MSH4: variants seen among roughly 807,000 people sequenced by gnomAD.
MSH4 encodes the protein mutS homolog 4, also known as mutS protein homolog 4.
Under a neutral mutation model 113.7 loss-of-function variants are expected in MSH4, and 106 were observed. That is an observed-to-expected ratio of 0.93 (90% CI 0.80 to 1.10). The LOEUF is 1.10. Ranked by LOEUF, MSH4 falls within the 50% of genes least tolerant of loss-of-function variation. The probability of loss-of-function intolerance (pLI) is 0.00; values close to 1 mark genes in which losing one functional copy is unlikely to be tolerated. For synonymous variants in MSH4, 368 were observed against 380.2 expected, an observed-to-expected ratio of 0.97 and a Z score of 0.37; for missense variants, 1,061 against 1,093.7, an observed-to-expected ratio of 0.97 and a Z score of 0.42.
chr1:75,829,454 G>A (rs1351494512), intron 7 of MSH4, among the ~76,000 whole-genome samples: 1 of 152,186 alleles, frequency 6.6e-6, no homozygotes, highest in African/African-American at 2.4e-5. Context: ...TCCCAGCATG[G>A]AGTTTGAGAT....
chr1:75,815,611 C>T (rs775543066), intron 5 of MSH4, among the ~76,000 whole-genome samples: 2 of 152,130 alleles, frequency 1.3e-5, no homozygotes, highest in African/African-American at 4.8e-5. Flanking sequence ...CTAGAACATA[C>T]GAAATAGATA....
chr1:75,808,211 A>G (rs908868703), intron 3 of MSH4, among the ~76,000 whole-genome samples: 1 of 152,192 alleles, frequency 6.6e-6, no homozygotes, highest in African/African-American at 2.4e-5. Context: ...GGTATTTCAG[A>G]TGACCATATT....
intron 7 of MSH4, among the ~76,000 whole-genome samples, chr1:75,827,366 C>T (rs1238337487): frequency 6.6e-6 from 1 of 152,074 alleles, no homozygotes; most frequent in African/African-American, 2.4e-5. Context: ...AAAACCAGTA[C>T]CAGCCACTGT....
At chr1:75,832,375 A>T (rs1650718235) in intron 7 of MSH4, among the ~76,000 whole-genome samples, 1 of 152,172 alleles carries the variant, frequency 6.6e-6, no homozygotes, top group African/African-American at 2.4e-5. Context: ...AGCTGGTACC[A>T]TTCCCTCTGA....
chr1:75,881,222 A>G (rs776686825), intron 13 of MSH4, 24 bp from the exon 14 acceptor site: 49 of 1,433,976 alleles, frequency 3.4e-5, no homozygotes, highest in African/African-American at 4.4e-5. Context: ...ACATTATTAC[A>G]TGTCTTACCA....
At chr1:75,884,758 T>C (rs534311081) in intron 15 of MSH4, among the ~76,000 whole-genome samples, 9 of 152,026 alleles carry the variant, frequency 5.9e-5, no homozygotes, top group Admixed American at 2.0e-4. Context: ...ATATTGGTGA[T>C]ACAGTATAAA....
intron 17 of MSH4, among the ~76,000 whole-genome samples, chr1:75,893,064 A>C (rs1231700408): frequency 6.6e-6 from 1 of 152,234 alleles, no homozygotes; most frequent in Admixed American, 6.5e-5. Context: ...TGTAGACACC[A>C]GGAAATGTGC....
chr1:75,852,641 A>G (rs1452905447), intron 8 of MSH4, among the ~76,000 whole-genome samples: 1 of 152,072 alleles, frequency 6.6e-6, no homozygotes, highest in Non-Finnish European at 1.5e-5. Context: ...ATCTTTTTAC[A>G]TGCTTATTGG....
At chr1:75,805,063 G>T (rs1019406918) in intron 2 of MSH4, among the ~76,000 whole-genome samples, 1 of 152,042 alleles carries the variant, frequency 6.6e-6, no homozygotes, top group Non-Finnish European at 1.5e-5. Flanking sequence ...CTAACCTCAT[G>T]ATCCGCCCAC....
In MSH4 at chr1:75,912,981, A is replaced by C; in HGVS notation, c.*94A>C. Reference sequence around the variant, plus strand: ...AGGAAAATAACATTTGCCAAATTTCATATTTTAATTGAAAATTACATTATA... The same window carrying C: ...AGGAAAATAACATTTGCCAAATTTCCTATTTTAATTGAAAATTACATTATA... On this transcript the variant is annotated 3_prime_UTR_variant, in exon 20 of 20. Coordinates refer to ENST00000263187, the MANE Select transcript of MSH4 (RefSeq NM_002440.4). 1.4e-6 allele frequency: 1 copy of C among 695,150 alleles called. No individual in the cohort carries two copies. The highest frequency in any genetic ancestry group is 2.1e-6 in the Non-Finnish European group (1 of 471,160). The allele number at this position is 695,150 out of a possible 1,614,324, so 43.1% of individuals were successfully genotyped here.
At chr1:75,908,163 T>TTTTTA (rs1652710766) in intron 19 of MSH4, among the ~76,000 whole-genome samples, 1 of 150,388 alleles carries the variant, frequency 6.6e-6, no homozygotes, top group African/African-American at 2.5e-5. Context: ...TTTTTTTTTT[T>TTTTTA]GAGACAGAGT....
intron 8 of MSH4, among the ~76,000 whole-genome samples, chr1:75,858,216 G>T (rs1651363732): frequency 6.6e-6 from 1 of 152,218 alleles, no homozygotes; most frequent in Admixed American, 6.5e-5. Flanking sequence ...TGCAAACAGA[G>T]ACAATTTGAC....
At chr1:75,880,291 G>C in intron 13 of MSH4, 138 bp downstream of exon 13, 1 of 564,224 alleles carries the variant, frequency 1.8e-6, no homozygotes, top group Non-Finnish European at 3.1e-6. Context: ...GTCTGTCTTT[G>C]TGATTAGAAT....
chr1:75,852,460 G>A (rs975665794), intron 8 of MSH4, among the ~76,000 whole-genome samples: 1 of 152,136 alleles, frequency 6.6e-6, no homozygotes, highest in South Asian at 2.1e-4. Flanking sequence ...CTGCTGGATT[G>A]TTTTGCAAAG....
At chr1:75,860,930 G>A (rs964284447) in intron 8 of MSH4, among the ~76,000 whole-genome samples, 2 of 152,134 alleles carry the variant, frequency 1.3e-5, no homozygotes, top group Admixed American at 1.3e-4. Context: ...TTTTCACCTA[G>A]TCCCATATTT....
At chr1:75,897,063 C>T (rs967486223) in intron 17 of MSH4, among the ~76,000 whole-genome samples, 2 of 152,074 alleles carry the variant, frequency 1.3e-5, no homozygotes, top group Non-Finnish European at 2.9e-5. Flanking sequence ...ATTTAAATTT[C>T]CACTGAACAC....
chr1:75,905,227 T>C (rs1157533667), intron 19 of MSH4, among the ~76,000 whole-genome samples: 1 of 151,998 alleles, frequency 6.6e-6, no homozygotes, highest in Non-Finnish European at 1.5e-5. Flanking sequence ...TGTTGCTGTA[T>C]GTCATAGATT....
At chr1:75,811,353 C>T (rs754015146) in intron 4 of MSH4, among the ~76,000 whole-genome samples, 10 of 152,086 alleles carry the variant, frequency 6.6e-5, no homozygotes, top group Non-Finnish European at 1.3e-4. Flanking sequence ...CCCTGATCTA[C>T]TTTAAACAAA....
chr1:75,802,118 A>C (rs947419771), intron 1 of MSH4, among the ~76,000 whole-genome samples: 34 of 152,186 alleles, frequency 2.2e-4, no homozygotes, highest in African/African-American at 8.0e-4. Context: ...GCATTTAGCC[A>C]AGATCACACC....
Sources: allele counts gnomAD v4.1 joint callset (sites outside exome capture counted in the v4.1 genomes callset), GRCh38; gene constraint gnomAD v4.1.1; transcripts MANE v1.5; gene names NCBI Gene and HGNC (gene_info 2026-07-23, HGNC 2026-07-21).